Variants in EIF4G3 observed in about 807,000 individuals in gnomAD.
EIF4G3 encodes eIF-4-gamma 3.
EIF4G3 carries 34 observed loss-of-function variants against 186.4 expected under a neutral mutation model. The observed-to-expected ratio is 0.18, with a 90% CI of 0.14 to 0.24. The LOEUF (loss-of-function observed/expected upper bound fraction) is 0.24. Ranked by LOEUF, EIF4G3 falls within the 10% of genes least tolerant of loss-of-function variation. EIF4G3 has a pLI of 1.00. For missense variants in EIF4G3, 1,536 were observed against 1,948.5 expected (o/e 0.79, Z 3.99); for synonymous variants, 673 against 679.5 (o/e 0.99, Z 0.15).
intron 14 of EIF4G3, among the ~76,000 whole-genome samples, chr1:20,912,597 G>A (rs1572671028): frequency 6.6e-6 from 1 of 152,240 alleles, no homozygotes; most frequent in Admixed American, 6.5e-5. Flanking sequence ...TCAGGGAACA[G>A]CCCCGGTGCA....
At chr1:20,849,335 C>T (rs1230281542) in intron 29 of EIF4G3, 80 bp downstream of exon 29, 1 of 683,870 alleles carries the variant, frequency 1.5e-6, no homozygotes, top group African/African-American at 1.9e-5. Flanking sequence ...CACAATGACA[C>T]CTGATTTAGA....
chr1:20,893,260 G>A, intron 18 of EIF4G3: 1 of 280,614 alleles, frequency 3.6e-6, no homozygotes, highest in Non-Finnish European at 6.5e-6. Flanking sequence ...AAACCTATTT[G>A]CAGGTCACCT....
intron 3 of EIF4G3, among the ~76,000 whole-genome samples, chr1:21,080,382 A>G (rs1355749568): frequency 1.4e-4 from 21 of 152,024 alleles, no homozygotes; most frequent in Non-Finnish European, 1.5e-5. Flanking sequence ...AATTATCTGT[A>G]GTCAGCTAAA....
At chr1:21,083,382 C>T (rs900694463) in intron 3 of EIF4G3, among the ~76,000 whole-genome samples, 1 of 152,012 alleles carries the variant, frequency 6.6e-6, no homozygotes, top group Non-Finnish European at 1.5e-5. Flanking sequence ...TTCACTCTGT[C>T]GCCCAGGCTG....
intron 2 of EIF4G3, among the ~76,000 whole-genome samples, chr1:21,160,667 C>T (rs773368859): frequency 6.6e-6 from 1 of 152,080 alleles, no homozygotes; most frequent in Non-Finnish European, 1.5e-5. Context: ...AAATCCAAAA[C>T]GAGGGACACC....
intron 14 of EIF4G3, among the ~76,000 whole-genome samples, chr1:20,917,908 T>C: frequency 6.7e-6 from 1 of 149,366 alleles, no homozygotes; most frequent in Non-Finnish European, 1.5e-5. Flanking sequence ...TGACATACTG[T>C]TTTTACAAGG....
chr1:20,827,048 T>C (rs1003308220), intron 32 of EIF4G3, among the ~76,000 whole-genome samples: 2 of 152,192 alleles, frequency 1.3e-5, no homozygotes, highest in African/African-American at 2.4e-5. Context: ...TCATCCAATA[T>C]CTTTGAGTCA....
intron 2 of EIF4G3, among the ~76,000 whole-genome samples, chr1:21,159,420 G>C (rs2097718675): frequency 6.7e-6 from 1 of 148,304 alleles, no homozygotes; most frequent in African/African-American, 2.5e-5. Context: ...CTGGGTGACA[G>C]AGCAAGGGTT....
At chr1:21,035,574 T>C (rs112506550) in intron 4 of EIF4G3, among the ~76,000 whole-genome samples, 10 of 152,356 alleles carry the variant, frequency 6.6e-5, no homozygotes, top group African/African-American at 2.2e-4. Flanking sequence ...CAGGTATGCA[T>C]AGGCTCAGGG....
intron 4 of EIF4G3, among the ~76,000 whole-genome samples, chr1:21,044,603 T>A (rs959691395): frequency 6.6e-6 from 1 of 151,346 alleles, no homozygotes; most frequent in East Asian, 1.9e-4. Context: ...AAAAAGCATA[T>A]GTAGTAAGGA....
At chr1:21,089,380 G>A (rs1246594279) in intron 2 of EIF4G3, among the ~76,000 whole-genome samples, 167 bp from the exon 3 acceptor site, 1 of 152,140 alleles carries the variant, frequency 6.6e-6, no homozygotes, top group Non-Finnish European at 1.5e-5. Flanking sequence ...GTCCTAAAAT[G>A]ACTAAATCAA....
chr1:20,829,852 G>T (rs2064643842), intron 30 of EIF4G3, among the ~76,000 whole-genome samples: 1 of 152,106 alleles, frequency 6.6e-6, no homozygotes, highest in Non-Finnish European at 1.5e-5. Flanking sequence ...AAAGCTAATG[G>T]TTTCAGGCTT....
intron 7 of EIF4G3, among the ~76,000 whole-genome samples, chr1:20,995,200 A>C (rs1007875773): frequency 6.6e-6 from 1 of 152,230 alleles, no homozygotes; most frequent in Non-Finnish European, 1.5e-5. Flanking sequence ...ACAAATGCTT[A>C]AATACAATAT....
chr1:20,972,459 T>C (rs140318732), intron 11 of EIF4G3, among the ~76,000 whole-genome samples: 2 of 151,812 alleles, frequency 1.3e-5, no homozygotes, highest in Non-Finnish European at 2.9e-5. Context: ...CATGGCGAAA[T>C]CCCACCTCTA....
At chr1:21,125,506 G>A (rs1427768657) in intron 2 of EIF4G3, among the ~76,000 whole-genome samples, 3 of 151,804 alleles carry the variant, frequency 2.0e-5, no homozygotes, top group African/African-American at 7.3e-5. Flanking sequence ...ATCACCTGAG[G>A]TCAGGAGTTC....
At chr1:21,138,425 G>C (rs1368979474) in intron 2 of EIF4G3, among the ~76,000 whole-genome samples, 1 of 152,164 alleles carries the variant, frequency 6.6e-6, no homozygotes, top group Admixed American at 6.5e-5. Flanking sequence ...ACAAAAAAGA[G>C]AGAATTCCTA....
chr1:20,985,678 CA>C (rs924175902), intron 7 of EIF4G3, among the ~76,000 whole-genome samples: 31 of 152,198 alleles, frequency 2.0e-4, no homozygotes, highest in Middle Eastern at 3.4e-3. Flanking sequence ...TGGGATTTCC[CA>C]AACTGCTTGC....
rs910579352 is a variant in EIF4G3, at chr1:20,949,926, C to T, written c.823+77G>A. 5.2e-5 allele frequency: 64 copies of T among 1,221,874 alleles called. 3 individuals carry two copies. The South Asian group carries it at 7.5e-4, about 14-fold the overall frequency. 75.7% of individuals were successfully genotyped at this position (1,221,874 alleles called of 1,614,324 possible). Reference sequence around the variant, plus strand: ...ATAATCCTTGGATGCTGTACTCTTACTCTTGAATGCTGACGGCAATGTAAT... The same window carrying T: ...ATAATCCTTGGATGCTGTACTCTTATTCTTGAATGCTGACGGCAATGTAAT... On this transcript the variant is annotated intron_variant, in intron 13 of 36. Transcript: ENST00000602326.
chr1:21,052,993 C>T (rs1416694356), intron 3 of EIF4G3, among the ~76,000 whole-genome samples: 2 of 151,674 alleles, frequency 1.3e-5, no homozygotes, highest in South Asian at 2.1e-4. Context: ...AGCCTCTGCC[C>T]GGCCGCCACC....
Sources: gnomAD v4.1 joint callset for allele counts (sites outside exome capture counted in the v4.1 genomes callset) on GRCh38, gnomAD v4.1.1 for gene constraint, MANE v1.5 for transcripts, NCBI Gene and HGNC (gene_info 2026-07-23, HGNC 2026-07-21) for gene names.